Variants in STPG2 observed in about 807,000 individuals in gnomAD.
STPG2 encodes the protein sperm tail PG-rich repeat containing 2, also known as sperm-tail PG-rich repeat-containing protein 2.
STPG2 carries 56 observed loss-of-function variants against 54.2 expected under a neutral mutation model. That is an observed-to-expected ratio of 1.03 (90% CI 0.83 to 1.29). The LOEUF is 1.29. Ranked by LOEUF, STPG2 falls within the 50% of genes most tolerant of loss-of-function variation. The pLI is 0.00. For missense variants in STPG2, 596 were observed against 544.9 expected (o/e 1.09, Z -0.93); for synonymous variants, 200 against 181.8 (o/e 1.10, Z -0.81).
intron 10 of STPG2, among the ~76,000 whole-genome samples, chr4:97,690,749 C>T (rs56263311): frequency 0.011 from 1,741 of 152,154 alleles, 37 homozygotes; most frequent in African/African-American, 0.04. Context: ...CTTTCAACTT[C>T]CTCTAAAGCT....
intron 10 of STPG2, among the ~76,000 whole-genome samples, chr4:97,578,633 C>CAT (rs1010883585): frequency 3.5e-4 from 53 of 150,036 alleles, no homozygotes; most frequent in African/African-American, 1.1e-3. Context: ...TTGGCATGAA[C>CAT]ATAGCAGAGA....
chr4:97,788,210 G>A (rs185485306), intron 9 of STPG2, among the ~76,000 whole-genome samples: 37 of 151,876 alleles, frequency 2.4e-4, no homozygotes, highest in Non-Finnish European at 3.5e-4. Flanking sequence ...AACCATCCCC[G>A]CTTCCCCTAT....
At chr4:97,808,641 A>G (rs542905732) in intron 9 of STPG2, among the ~76,000 whole-genome samples, 9 of 151,234 alleles carry the variant, frequency 6.0e-5, no homozygotes, top group Admixed American at 2.0e-4. Context: ...TAAATTTACT[A>G]AAAAGTTCTA....
intron 10 of STPG2, among the ~76,000 whole-genome samples, chr4:97,680,061 G>C (rs1369895085): frequency 1.3e-5 from 2 of 152,068 alleles, no homozygotes; most frequent in African/African-American, 4.8e-5. Flanking sequence ...CAGGTAGTGT[G>C]ATGCCTCCAG....
chr4:97,990,014 CACCTACTAACAA>C (rs967601728), intron 5 of STPG2, among the ~76,000 whole-genome samples: 1 of 152,196 alleles, frequency 6.6e-6, no homozygotes, highest in Admixed American at 6.5e-5. Flanking sequence ...TCAAAACAAT[CACCTACTAACAA>C]ACCAGAATTA....
At position 97,742,565 on chromosome 4, in the gene STPG2, GTCTA is replaced by G. The variant is rs1339271956; in HGVS notation, c.1205-29755_1205-29752del. On this transcript the variant is annotated intron_variant, in intron 9 of 10. Transcript: ENST00000295268. ...TGTGTGTGTGTGTGTGTGTGTGTGTGTCTATATATATATGGAATACTATCAGGTC... is the reference window on the plus strand; with the variant it reads ...TGTGTGTGTGTGTGTGTGTGTGTGTGTATATATATGGAATACTATCAGGTC... 2.5e-4 allele frequency among the ~76,000 whole-genome samples: 29 copies of G among 118,212 alleles called. 1 individual carries two copies. The highest frequency in any genetic ancestry group is 8.9e-4 in the African/African-American group (27 of 30,300). The allele number at this position is 118,212 out of a possible 152,430, so 77.6% of individuals were successfully genotyped here. A position where few individuals can be genotyped will look rare whatever the true frequency, so the allele number is the denominator to read the frequency against.
At position 97,466,219 on chromosome 4, in the gene STPG2, G is replaced by A. The variant is rs146855602; in HGVS notation, c.462+246480C>T. Among the ~76,000 whole-genome samples, 640 of 152,124 alleles carry A rather than the reference G, an allele frequency of 4.2e-3. 3 individuals carry two copies. The highest frequency in any genetic ancestry group is 0.02 in the South Asian group (98 of 4,826). ...ATATCCAACTTGTAGCACCAAGGCC[G>A]TAGAGTCTATTTGTCTGAGATAGAA... On this transcript the variant is annotated intron_variant, in intron 4 of 4. Transcript: ENST00000522676.
chr4:97,556,868 T>C (rs1024716562), downstream of STPG2, among the ~76,000 whole-genome samples: 1 of 152,096 alleles, frequency 6.6e-6, no homozygotes, highest in Non-Finnish European at 1.5e-5. Context: ...TATATACCAA[T>C]AGAGTACATT....
At chr4:97,448,504 T>C (rs1729283917) in intron 4 of STPG2, among the ~76,000 whole-genome samples, 1 of 152,148 alleles carries the variant, frequency 6.6e-6, no homozygotes, top group Non-Finnish European at 1.5e-5. Flanking sequence ...TGATAGTGAC[T>C]GAGTTCTCAT....
At chr4:97,993,523 T>C (rs1460319785) in intron 5 of STPG2, among the ~76,000 whole-genome samples, 1 of 151,064 alleles carries the variant, frequency 6.6e-6, no homozygotes, top group African/African-American at 2.5e-5. Flanking sequence ...ATCAGGGATA[T>C]TGGTCTTTAG....
intron 4 of STPG2, among the ~76,000 whole-genome samples, chr4:97,529,825 T>C (rs1332008503): frequency 1.3e-5 from 2 of 152,158 alleles, no homozygotes; most frequent in African/African-American, 4.8e-5. Flanking sequence ...CCAGGATCTT[T>C]CCAGGCTGTT....
rs111989172 is a variant in STPG2, at chr4:97,777,444, A to G, written c.1204+63329T>C. Among the ~76,000 whole-genome samples, 838 of 152,322 alleles carry G rather than the reference A, an allele frequency of 5.5e-3. 18 individuals are homozygous for G. The highest frequency in any genetic ancestry group is 0.036 in the Admixed American group (546 of 15,298). ...GCATAAAATTGAGCCAAAAATTCCA[A>G]TTCCTATCAGGAATCTCTCATACAG... is the stretch of plus-strand genomic sequence containing the variant. On this transcript the variant is annotated intron_variant, in intron 9 of 10. Coordinates refer to ENST00000295268, the MANE Select transcript of STPG2 (RefSeq NM_174952.3).
At chr4:97,581,540 G>A (rs1208239170) in intron 10 of STPG2, among the ~76,000 whole-genome samples, 2 of 152,000 alleles carry the variant, frequency 1.3e-5, no homozygotes, top group African/African-American at 4.8e-5. Flanking sequence ...TCTGGACTCA[G>A]CCTACTTTCA....
chr4:97,540,072 G>A lies in STPG2; in HGVS notation c.462+172627C>T, dbSNP rs373394935. On this transcript the variant is annotated intron_variant, in intron 4 of 4. Coordinates refer to the STPG2 transcript ENST00000522676. ...TAACATCACAATTAAAAGAACTAGAGAAGCAAGAGCAAACACATTCAAAAG... is the reference window on the plus strand; with the variant it reads ...TAACATCACAATTAAAAGAACTAGAAAAGCAAGAGCAAACACATTCAAAAG... Among the ~76,000 whole-genome samples the A allele has an allele frequency of 2.8e-4, 43 of 152,180 alleles. No homozygotes were observed. In the East Asian group the frequency reaches 5.6e-3, roughly 20 times the overall value.
At chr4:98,069,537 C>G (rs1737938161) in intron 5 of STPG2, among the ~76,000 whole-genome samples, 1 of 151,836 alleles carries the variant, frequency 6.6e-6, no homozygotes, top group African/African-American at 2.4e-5. Flanking sequence ...CCTAACGGCC[C>G]CTCTTAAGCT....
chr4:97,625,555 C>T (rs11933268), intron 10 of STPG2, among the ~76,000 whole-genome samples: 2,658 of 152,204 alleles, frequency 0.017, 68 homozygotes, highest in African/African-American at 0.059. Context: ...CCTCGGGATC[C>T]GCCTGCCTCA....
intron 10 of STPG2, among the ~76,000 whole-genome samples, chr4:97,656,765 TTTAA>T (rs1309822871): frequency 6.6e-6 from 1 of 151,520 alleles, no homozygotes; most frequent in African/African-American, 2.4e-5. Context: ...TTTAATGAGA[TTTAA>T]TTAAATTTTA....
intron 8 of STPG2, among the ~76,000 whole-genome samples, chr4:97,876,161 A>T (rs1157273550): frequency 6.6e-6 from 1 of 152,102 alleles, no homozygotes; most frequent in East Asian, 1.9e-4. Context: ...CATTAGTGGA[A>T]CTTGCCTAAT....
intron 4 of STPG2, among the ~76,000 whole-genome samples, chr4:97,528,802 T>C (rs1385469777): frequency 2.6e-5 from 4 of 152,228 alleles, no homozygotes; most frequent in African/African-American, 9.6e-5. Flanking sequence ...TCTCTGTTTA[T>C]CTATTATTGG....
Sources: allele counts gnomAD v4.1 joint callset (sites outside exome capture counted in the v4.1 genomes callset), GRCh38; gene constraint gnomAD v4.1.1; transcripts MANE v1.5; gene names NCBI Gene and HGNC (gene_info 2026-07-23, HGNC 2026-07-21).